Variants in FBLN2 observed in about 807,000 individuals in gnomAD.
The protein encoded by FBLN2 is fibulin 2.
FBLN2 carries 81 observed loss-of-function variants against 123.7 expected under a neutral mutation model. The ratio of observed to expected loss-of-function variants is 0.65; its 90% CI spans 0.55 to 0.79. The LOEUF (loss-of-function observed/expected upper bound fraction) is 0.79. FBLN2 is among the 30% of genes least tolerant of loss of function. The pLI, the probability that FBLN2 is intolerant of heterozygous loss-of-function variation, is 0.00. For synonymous variants in FBLN2, 699 were observed against 701.4 expected, an observed-to-expected ratio of 1.00 and a Z score of 0.05; for missense variants, 1,603 against 1,681.3, an observed-to-expected ratio of 0.95 and a Z score of 0.81.
rs1706537076 is a variant in FBLN2, at chr3:13,637,914, C to G, written c.3691C>G (p.Leu1231Val). The change falls in exon 18 of 18, where the codon CTG becomes GTG. Residue 1231 changes from leucine to valine, a missense_variant. Coordinates refer to ENST00000404922, the MANE Select transcript of FBLN2 (RefSeq NM_001004019.2). ...KMHIFFTTFAL is the reference protein window; with the variant it reads ...KMHIFFTTFAV ...GCACATCTTCTTCACCACCTTTGCC[C>G]TGTGAGGTGCCAGCACGGGCCACCT... 1 of 1,580,704 alleles carries G rather than the reference C, an allele frequency of 6.3e-7. No individual in the cohort carries two copies. Among genetic ancestry groups the G allele is most frequent in the Non-Finnish European group, 8.6e-7 (1 of 1,159,884 alleles).
intron 4 of FBLN2, among the ~76,000 whole-genome samples, chr3:13,613,135 C>T (rs1286899989): frequency 6.6e-6 from 1 of 152,004 alleles, no homozygotes; most frequent in African/African-American, 2.4e-5. Flanking sequence ...TGCAGAGTTC[C>T]AAGAAAATAA....
chr3:13,574,985 G>C (rs1188863553), intron 2 of FBLN2, among the ~76,000 whole-genome samples: 1 of 152,222 alleles, frequency 6.6e-6, no homozygotes, highest in African/African-American at 2.4e-5. Context: ...ACGAGGGCGA[G>C]GTTGCGTCTG....
intron 1 of FBLN2, among the ~76,000 whole-genome samples, chr3:13,553,438 G>T (rs1427121142): frequency 6.6e-6 from 1 of 152,170 alleles, no homozygotes; most frequent in Admixed American, 6.5e-5. Flanking sequence ...TGGGACGGGA[G>T]CCAGCTCCGT....
chr3:13,586,216 G>A (rs1459313251), intron 2 of FBLN2, among the ~76,000 whole-genome samples: 4 of 151,964 alleles, frequency 2.6e-5, no homozygotes, highest in East Asian at 3.9e-4. Context: ...ATGGATTCTC[G>A]CTCTGTCCCC....
intron 1 of FBLN2, chr3:13,566,490 C>T (rs1703751506): frequency 6.6e-6 from 1 of 152,364 alleles, no homozygotes; most frequent in Admixed American, 6.5e-5. Flanking sequence ...ATACACGCCC[C>T]ATTGGGAGCA....
At chr3:13,628,490 A>G (rs1706127860) in intron 11 of FBLN2, among the ~76,000 whole-genome samples, 1 of 152,142 alleles carries the variant, frequency 6.6e-6, no homozygotes, top group African/African-American at 2.4e-5. Flanking sequence ...CTAGTCCCCA[A>G]GTGGGTCTGA....
chr3:13,633,237 C>T (rs2124911887), intron 16 of FBLN2, among the ~76,000 whole-genome samples: 1 of 152,390 alleles, frequency 6.6e-6, no homozygotes, highest in South Asian at 2.1e-4. Flanking sequence ...TAGCGCTTCT[C>T]TCCTGCCCGG....
At position 13,619,818 on chromosome 3, in the gene FBLN2, C is replaced by T. The variant is rs1705783847; in HGVS notation, c.2142C>T (p.Gly714=). 22 of 1,611,636 alleles carry T rather than the reference C, an allele frequency of 1.4e-5. No homozygotes were observed. The highest frequency in any genetic ancestry group is 1.7e-4 in the Middle Eastern group (1 of 6,056). Residue 714 remains glycine, a synonymous_variant, in exon 8 of 18, where the codon GGC becomes GGT. Coordinates refer to ENST00000404922, the MANE Select transcript of FBLN2 (RefSeq NM_001004019.2). ...CFPGYAIMAD[G]VSCEDQDECL... ...CCGGCTATGCCATCATGGCGGATGG[C>T]GTGTCCTGTGAAGGTGAGTGCCTTG...
chr3:13,609,917 G>T (rs967007858), intron 4 of FBLN2, among the ~76,000 whole-genome samples: 1 of 152,220 alleles, frequency 6.6e-6, no homozygotes, highest in East Asian at 1.9e-4. Context: ...GGCAATTCCC[G>T]CCCTCCCAGG....
intron 3 of FBLN2, 52 bp downstream of exon 3, chr3:13,608,225 AC>A (rs2124879081): frequency 7.3e-7 from 1 of 1,369,032 alleles, no homozygotes; most frequent in Admixed American, 2.0e-5. Context: ...CTTCTCCAGA[AC>A]CCTGCTTGCC....
intron 2 of FBLN2, among the ~76,000 whole-genome samples, chr3:13,580,487 A>G (rs1704290117): frequency 1.3e-5 from 2 of 152,218 alleles, no homozygotes; most frequent in Admixed American, 6.5e-5. Flanking sequence ...GGATTCACAC[A>G]GTCAACAAAA....
Position 13,637,770 on chromosome 3 carries a change from A to G in FBLN2, c.3547A>G (p.Asn1183Asp), listed in dbSNP as rs1706530832. The G allele has an allele frequency of 6.2e-7, 1 of 1,613,798 alleles. No individual in the cohort carries two copies. Among genetic ancestry groups the G allele is most frequent in the African/African-American group, 1.3e-5 (1 of 74,944 alleles). ...GGGCTACTTTGGCACGCGCAGGCTC[A>G]ATGCCTACACGGGTGTGGTCTACCT... ...EEGYFGTRRL[N>D]AYTGVVYLQR... Residue 1183 changes from asparagine (N) to aspartate (D), a missense_variant, in exon 18 of 18, where the codon AAT becomes GAT. Asn to Asp is a conservative substitution (Grantham distance 23). Coordinates refer to ENST00000404922, the MANE Select transcript of FBLN2 (RefSeq NM_001004019.2).
chr3:13,581,300 G>A (rs535268718), intron 2 of FBLN2, among the ~76,000 whole-genome samples: 3 of 152,152 alleles, frequency 2.0e-5, no homozygotes, highest in Non-Finnish European at 4.4e-5. Flanking sequence ...GTAGTGGTTG[G>A]GCACTTTAAA....
At chr3:13,559,860 G>T (rs2125034989) in intron 1 of FBLN2, among the ~76,000 whole-genome samples, 1 of 152,320 alleles carries the variant, frequency 6.6e-6, no homozygotes, top group East Asian at 1.9e-4. Context: ...CAGACCATGT[G>T]GAGCATGCCT....
chr3:13,636,847 C>T (rs1706490774), intron 17 of FBLN2, among the ~76,000 whole-genome samples: 1 of 152,246 alleles, frequency 6.6e-6, no homozygotes, highest in Non-Finnish European at 1.5e-5. Context: ...TCCCAACCAA[C>T]ATTTAGCACC....
At chr3:13,632,465 T>A (rs1706289611) in intron 16 of FBLN2, among the ~76,000 whole-genome samples, 1 of 152,214 alleles carries the variant, frequency 6.6e-6, no homozygotes, top group African/African-American at 2.4e-5. Context: ...CAGAAGGGTT[T>A]GGAGTTAGCT....
At chr3:13,569,802 G>C (rs150443232) in intron 1 of FBLN2, among the ~76,000 whole-genome samples, 1 of 150,754 alleles carries the variant, frequency 6.6e-6, no homozygotes, top group African/African-American at 2.4e-5. Context: ...TCAAGGATCT[G>C]GGGGGAGGGA....
At chr3:13,616,538 C>T (rs1362327535) in intron 5 of FBLN2, among the ~76,000 whole-genome samples, 5 of 152,226 alleles carry the variant, frequency 3.3e-5, no homozygotes, top group African/African-American at 9.6e-5. Flanking sequence ...TGCCTGGAGG[C>T]ACCGGCTGGG....
chr3:13,633,256 G>A (rs914006835), intron 16 of FBLN2, among the ~76,000 whole-genome samples: 2 of 152,350 alleles, frequency 1.3e-5, no homozygotes, highest in South Asian at 2.1e-4. Context: ...GGGCTTGCCC[G>A]CCACCCCGTC....
Sources: gnomAD v4.1 joint callset for allele counts (sites outside exome capture counted in the v4.1 genomes callset) on GRCh38, gnomAD v4.1.1 for gene constraint, MANE v1.5 for transcripts, NCBI Gene and HGNC (gene_info 2026-07-23, HGNC 2026-07-21) for gene names.